Variants in SIKE1 observed in about 807,000 individuals in gnomAD.
The protein encoded by SIKE1 is suppressor of IKK epsilon.
In SIKE1, 13 loss-of-function variants were observed where a neutral mutation model predicts 25.8. The observed-to-expected ratio is 0.50, with a 90% CI of 0.33 to 0.80. The LOEUF (loss-of-function observed/expected upper bound fraction) is 0.80. Among genes scored for constraint, SIKE1 ranks in the 30% least tolerant of loss-of-function variants. The pLI is 0.02. For synonymous variants in SIKE1, 86 were observed against 95.5 expected (o/e 0.90, Z 0.58); for missense variants, 222 against 252.4 (o/e 0.88, Z 0.82).
chr1:114,771,763 C>T lies in SIKE1; in HGVS notation c.*2508G>A, dbSNP rs556929893. 6.6e-6 allele frequency: 1 copy of T among 152,252 alleles called. No individual in the cohort carries two copies. The highest frequency in any genetic ancestry group is 1.9e-4 in the East Asian group (1 of 5,188). The allele number at this position is 152,252 out of a possible 1,614,324, so 9.4% of individuals were successfully genotyped here. A position where few individuals can be genotyped will look rare whatever the true frequency, so the allele number is the denominator to read the frequency against. Reference sequence around the variant, plus strand: ...ATATATACTTGTCTCCTGTACCAGACTTTTTCATTTTTAAATTCATAAGTA... The same window carrying T: ...ATATATACTTGTCTCCTGTACCAGATTTTTTCATTTTTAAATTCATAAGTA... On this transcript the variant is annotated 3_prime_UTR_variant, in exon 5 of 5. Coordinates refer to ENST00000060969, the MANE Select transcript of SIKE1 (RefSeq NM_025073.3).
At chr1:114,779,000 T>A (rs6683934) in intron 3 of SIKE1, 142 bp downstream of exon 3, 234 of 958,966 alleles carry the variant, frequency 2.4e-4, no homozygotes, top group Non-Finnish European at 3.3e-5. Flanking sequence ...GAGGTTGCAG[T>A]GAGCCGAGAT....
chr1:114,778,490 C>T (rs139130119), intron 3 of SIKE1, among the ~76,000 whole-genome samples: 92 of 152,240 alleles, frequency 6.0e-4, no homozygotes, highest in African/African-American at 2.1e-3. Flanking sequence ...TAATAACCAA[C>T]CAAGTGTTTA....
chr1:114,780,383 T>C (rs1662368359), intron 1 of SIKE1, 66 bp downstream of exon 1: 2 of 1,612,000 alleles, frequency 1.2e-6, no homozygotes, highest in Non-Finnish European at 1.7e-6. Flanking sequence ...AGTTCCCACT[T>C]TACCTCGCTC....
Position 114,780,217 on chromosome 1 carries a change from TG to T in SIKE1, c.160-3del, listed in dbSNP as rs763989488. 1 of 1,608,614 alleles carries T rather than the reference TG, an allele frequency of 6.2e-7. No individual in the cohort carries two copies. On this transcript the variant is annotated splice_region_variant and splice_polypyrimidine_tract_variant and intron_variant, in intron 1 of 4. Coordinates refer to ENST00000060969, the MANE Select transcript of SIKE1 (RefSeq NM_025073.3). ...CATATCGGATGCATCCTCTTGATAC[TG>T]GACAAATAGAGACAGACTAAGCATG...
chr1:114,773,329 CAAAA>C lies in SIKE1; in HGVS notation c.*938_*941del, dbSNP rs890448298. The C allele has an allele frequency of 6.8e-6, 1 of 148,078 alleles. No individual in the cohort carries two copies. Among genetic ancestry groups the C allele is most frequent in the African/African-American group, 2.5e-5 (1 of 40,364 alleles). 9.2% of individuals were successfully genotyped at this position (148,078 alleles called of 1,614,324 possible). A position where few individuals can be genotyped will look rare whatever the true frequency, so the allele number is the denominator to read the frequency against. On this transcript the variant is annotated 3_prime_UTR_variant, in exon 5 of 5. Transcript: ENST00000060969. ...AAAAAAAACCCTGCTTCTATGTAAA[CAAAA>C]AAAAAGAAAGCCAACTATTAGTGCT...
rs1570985783 is a variant in SIKE1, at chr1:114,774,057, G to GA, written c.*213dup. The GA allele has an allele frequency of 2.7e-6, 1 of 368,552 alleles. No individual in the cohort carries two copies. The highest frequency in any genetic ancestry group is 3.9e-5 in the East Asian group (1 of 25,518). 22.8% of individuals were successfully genotyped at this position (368,552 alleles called of 1,614,324 possible). A position where few individuals can be genotyped will look rare whatever the true frequency, so the allele number is the denominator to read the frequency against. On this transcript the variant is annotated 3_prime_UTR_variant, in exon 5 of 5. Transcript: ENST00000060969. Reference sequence around the variant, plus strand: ...TGAAAATTAAAAGTAGTCTCTTTGAGAAAGGAATGGTGAAATTCAGCATGT... The same window carrying GA: ...TGAAAATTAAAAGTAGTCTCTTTGAGAAAAGGAATGGTGAAATTCAGCATGT...
intron 3 of SIKE1, among the ~76,000 whole-genome samples, chr1:114,777,556 C>G (rs760423341): frequency 6.6e-6 from 1 of 152,114 alleles, no homozygotes; most frequent in Non-Finnish European, 1.5e-5. Context: ...TCATCTCATG[C>G]CTTCCAAGAT....
At position 114,774,218 on chromosome 1, in the gene SIKE1, G is replaced by A; in HGVS notation, c.*53C>T. The A allele has an allele frequency of 2.2e-6, 3 of 1,384,384 alleles. No homozygotes were observed. Among genetic ancestry groups the A allele is most frequent in the Non-Finnish European group, 3.1e-6 (3 of 976,172 alleles). 85.8% of individuals were successfully genotyped at this position (1,384,384 alleles called of 1,614,324 possible). On this transcript the variant is annotated 3_prime_UTR_variant, in exon 5 of 5. Coordinates refer to ENST00000060969, the MANE Select transcript of SIKE1 (RefSeq NM_025073.3). ...TTAATGGACAGTACTTGAATGGGAAGACAGTAACTTCCTTCCTTGATAGAC... is the reference window on the plus strand; with the variant it reads ...TTAATGGACAGTACTTGAATGGGAAAACAGTAACTTCCTTCCTTGATAGAC...
rs896724691 is a variant in SIKE1, at chr1:114,771,098, A to G, written c.*3173T>C. 6.6e-6 allele frequency: 1 copy of G among 152,224 alleles called. No individual in the cohort carries two copies. Among genetic ancestry groups the G allele is most frequent in the East Asian group, 1.9e-4 (1 of 5,204 alleles). The allele number at this position is 152,224 out of a possible 1,614,324, so 9.4% of individuals were successfully genotyped here. ...ACATTTGGCTTGGCAACAACTTTCT[A>G]GCAAACACAAGAAAACAGCATGAGG... is the stretch of plus-strand genomic sequence containing the variant. On this transcript the variant is annotated 3_prime_UTR_variant, in exon 5 of 5. Coordinates refer to ENST00000060969, the MANE Select transcript of SIKE1 (RefSeq NM_025073.3).
At chr1:114,774,581 T>C (rs1425047863) in intron 4 of SIKE1, among the ~76,000 whole-genome samples, 2 of 152,206 alleles carry the variant, frequency 1.3e-5, no homozygotes, top group South Asian at 4.1e-4. Context: ...TGATACTCTT[T>C]TGTAGTAGTA....
Position 114,774,292 on chromosome 1 carries a change from AGT to A in SIKE1, c.601_602del (p.Thr201CysfsTer11), listed in dbSNP as rs1406813300. ...LQARKENSMD[T>X]ASQAIK ...TCAGTTATTTGATGGCTTGGGAAGC[AGT>A]GTCCATTGAGTTTTCCTTTCTGGCT... On this transcript the variant is annotated frameshift_variant, in exon 5 of 5. Transcript: ENST00000060969. LOFTEE classifies it high-confidence loss of function. 6.2e-7 allele frequency: 1 copy of A among 1,611,814 alleles called. No individual in the cohort carries two copies. Among genetic ancestry groups the A allele is most frequent in the African/African-American group, 1.3e-5 (1 of 74,886 alleles).
intron 3 of SIKE1, among the ~76,000 whole-genome samples, 189 bp from the exon 4 acceptor site, chr1:114,776,648 AT>A (rs34656268): frequency 1.6e-3 from 234 of 143,122 alleles, no homozygotes; most frequent in Non-Finnish European, 1.5e-3. Context: ...ATTCACGGAT[AT>A]TTTTTTTTTT....
chr1:114,772,681 G>C lies in SIKE1; in HGVS notation c.*1590C>G, dbSNP rs1662102421. 1 of 152,094 alleles carries C rather than the reference G, an allele frequency of 6.6e-6. No individual in the cohort carries two copies. Among genetic ancestry groups the C allele is most frequent in the Non-Finnish European group, 1.5e-5 (1 of 68,012 alleles). 9.4% of individuals were successfully genotyped at this position (152,094 alleles called of 1,614,324 possible). On this transcript the variant is annotated 3_prime_UTR_variant, in exon 5 of 5. Transcript: ENST00000060969. ...TACCTGCCTCTTGAATGGATTTATG[G>C]GGTCACTTAAGGTATACTTCGAGGC...
At chr1:114,774,511 G>T (rs868187763) in intron 4 of SIKE1, 139 bp from the exon 5 acceptor site, 14 of 561,512 alleles carry the variant, frequency 2.5e-5, no homozygotes, top group Middle Eastern at 9.8e-4. Context: ...CACTAGTTGA[G>T]AATTTCCTTA....
Position 114,773,644 on chromosome 1 carries a change from CA to C in SIKE1, c.*626del, listed in dbSNP as rs535471756. On this transcript the variant is annotated 3_prime_UTR_variant, in exon 5 of 5. Coordinates refer to ENST00000060969, the MANE Select transcript of SIKE1 (RefSeq NM_025073.3). Reference sequence around the variant, plus strand: ...ATATGACAACTATAGCATCACTGGGCAAAAAAAATAGCTGACTTATTTCCAA... The same window carrying C: ...ATATGACAACTATAGCATCACTGGGCAAAAAAATAGCTGACTTATTTCCAA... 1.3e-3 allele frequency: 192 copies of C among 151,850 alleles called. 1 individual carries two copies. In the East Asian group the frequency reaches 0.013, roughly 10 times the overall value. The allele number at this position is 151,850 out of a possible 1,614,324, so 9.4% of individuals were successfully genotyped here. A position where few individuals can be genotyped will look rare whatever the true frequency, so the allele number is the denominator to read the frequency against.
At chr1:114,776,245 C>A in intron 4 of SIKE1, 101 bp downstream of exon 4, 1 of 744,008 alleles carries the variant, frequency 1.3e-6, no homozygotes. Context: ...CATGAGCACA[C>A]AGAAAACATC....
Position 114,776,811 on chromosome 1 carries a change from T to C in SIKE1, c.409-352A>G, listed in dbSNP as rs190198484. Among the ~76,000 whole-genome samples, 52 of 152,302 alleles carry C rather than the reference T, an allele frequency of 3.4e-4. No homozygotes were observed. In the East Asian group the frequency reaches 7.9e-3, roughly 23 times the overall value. ...ATAAAGACACATGCACACATGTTTA[T>C]TGCGGCACTATTCACAATAGCAAAG... On this transcript the variant is annotated intron_variant, in intron 3 of 4. Coordinates refer to ENST00000060969, the MANE Select transcript of SIKE1 (RefSeq NM_025073.3).
chr1:114,780,189 C>CAAA lies in SIKE1; in HGVS notation c.185_186insTTT (p.Lys62delinsAsnLeu). ...TGTGAGGTTTGTATTTGGACATGTC[C>CAAA]TTCATATCGGATGCATCCTCTTGAT... On this transcript the variant is annotated protein_altering_variant, in exon 2 of 5. Transcript: ENST00000060969. 1.9e-6 allele frequency: 3 copies of CAAA among 1,613,744 alleles called. No homozygotes were observed. Among genetic ancestry groups the CAAA allele is most frequent in the Admixed American group, 1.7e-5 (1 of 59,930 alleles).
intron 3 of SIKE1, among the ~76,000 whole-genome samples, chr1:114,776,820 T>C (rs1412963795): frequency 6.6e-6 from 1 of 152,194 alleles, no homozygotes; most frequent in African/African-American, 2.4e-5. Context: ...ATTGCGGCAC[T>C]ATTCACAATA....
Sources: allele counts gnomAD v4.1 joint callset (sites outside exome capture counted in the v4.1 genomes callset), GRCh38; gene constraint gnomAD v4.1.1; transcripts MANE v1.5; gene names NCBI Gene and HGNC (gene_info 2026-07-23, HGNC 2026-07-21).